Variants in GAS6 observed in about 807,000 individuals in gnomAD.
GAS6 encodes growth arrest specific 6.
Under a neutral mutation model 75.8 loss-of-function variants are expected in GAS6, and 41 were observed. That is an observed-to-expected ratio of 0.54 (90% CI 0.42 to 0.70). GAS6 has a LOEUF of 0.70. GAS6 is among the 30% of genes least tolerant of loss of function. GAS6 has a pLI of 0.00. For missense variants in GAS6, 854 were observed against 940.2 expected (o/e 0.91, Z 1.20); for synonymous variants, 432 against 412.6 (o/e 1.05, Z -0.57).
intron 2 of GAS6, among the ~76,000 whole-genome samples, chr13:113,851,501 G>GAA (rs1265280612): frequency 6.7e-6 from 1 of 149,286 alleles, no homozygotes; most frequent in Non-Finnish European, 1.5e-5. Context: ...GAATGAATAG[G>GAA]TGGGTGGGTG....
rs957998878 is a variant in GAS6 at position 113,832,183 on chromosome 13, G to A, written c.1143+116C>T. The A allele has an allele frequency of 2.4e-5, 29 of 1,185,332 alleles. 1 individual carries two copies. The South Asian group carries it at 3.4e-4, about 14-fold the overall frequency. The allele number at this position is 1,185,332 out of a possible 1,614,324, so 73.4% of individuals were successfully genotyped here. ...GCAGGGGTCCCCGTCCTGCCGGCAC[G>A]CAGCAGATGCAGGCCCCAGAGCTCA... On this transcript the variant is annotated intron_variant, in intron 10 of 14. Transcript: ENST00000327773.
At chr13:113,835,685 G>T (rs147716178) in intron 6 of GAS6, 50 bp from the exon 7 acceptor site, 2 of 1,594,740 alleles carry the variant, frequency 1.3e-6, no homozygotes, top group African/African-American at 2.7e-5. Flanking sequence ...CATCTCAGAC[G>T]GGGCTGGGGC....
At chr13:113,833,352 G>A (rs2051653577) in intron 8 of GAS6, 5 of 998,300 alleles carry the variant, frequency 5.0e-6, no homozygotes, top group Non-Finnish European at 6.0e-6. Flanking sequence ...AGGGCTGGCT[G>A]GAAGCCCTGA....
At chr13:113,859,458 G>A (rs1467893950) in intron 2 of GAS6, among the ~76,000 whole-genome samples, 4 of 151,350 alleles carry the variant, frequency 2.6e-5, no homozygotes, top group Admixed American at 6.6e-5. Flanking sequence ...CTGTGTGTAC[G>A]TATGTCTATG....
intron 4 of GAS6, chr13:113,841,136 T>C (rs898774070): frequency 2.0e-5 from 3 of 152,370 alleles, no homozygotes; most frequent in African/African-American, 7.2e-5. Context: ...CGGCTGTCAG[T>C]GCAGGAGCCG....
intron 2 of GAS6, among the ~76,000 whole-genome samples, chr13:113,858,350 T>C (rs531624307): frequency 3.9e-5 from 6 of 152,336 alleles, no homozygotes; most frequent in African/African-American, 1.2e-4. Context: ...TGTGTACGTA[T>C]GTCTATGTGA....
At chr13:113,852,143 C>T (rs1044968152) in intron 2 of GAS6, among the ~76,000 whole-genome samples, 2 of 152,338 alleles carry the variant, frequency 1.3e-5, no homozygotes, top group African/African-American at 4.8e-5. Context: ...GAATGCAGCC[C>T]AACATAAATT....
Position 113,820,756 on chromosome 13 carries a change from A to G in GAS6, c.*108T>C, listed in dbSNP as rs2051443059. 30 of 1,264,204 alleles carry G rather than the reference A, an allele frequency of 2.4e-5. No homozygotes were observed. The highest frequency in any genetic ancestry group is 2.9e-5 in the Non-Finnish European group (27 of 929,976). The allele number at this position is 1,264,204 out of a possible 1,614,324, so 78.3% of individuals were successfully genotyped here. On this transcript the variant is annotated 3_prime_UTR_variant, in exon 15 of 15. Transcript: ENST00000327773. ...AGATATGTTACAGGCCGGGATGGTC[A>G]CAGAGGAAAGCCCAGCTCTCAGCAT...
At position 113,838,109 on chromosome 13, in the gene GAS6, G is replaced by A. The variant is rs1414864355; in HGVS notation, c.549C>T (p.His183=). 3 of 1,612,778 alleles carry A rather than the reference G, an allele frequency of 1.9e-6. No homozygotes were observed. Among genetic ancestry groups the A allele is most frequent in the Non-Finnish European group, 2.5e-6 (3 of 1,179,888 alleles). ...CATCAGAGGAGAGCTCGAAGCCGCTGTGGCAGGAACAGTGGAAGCTACCCG... is the reference window on the plus strand; with the variant it reads ...CATCAGAGGAGAGCTCGAAGCCGCTATGGCAGGAACAGTGGAAGCTACCCG... ...NKPGSFHCSC[H]SGFELSSDGR... Residue 183 remains histidine (H), a synonymous_variant, in exon 6 of 15, where the codon CAC becomes CAT. Coordinates refer to ENST00000327773, the MANE Select transcript of GAS6 (RefSeq NM_000820.4).
intron 2 of GAS6, among the ~76,000 whole-genome samples, chr13:113,858,644 T>C (rs1295864620): frequency 9.3e-6 from 1 of 107,796 alleles, no homozygotes; most frequent in Non-Finnish European, 1.7e-5. Flanking sequence ...TGTGTGTTTG[T>C]GACTGTATGT....
chr13:113,839,713 T>C lies in GAS6; in HGVS notation c.466+15A>G. 6.2e-7 allele frequency: 1 copy of C among 1,612,728 alleles called. No homozygotes were observed. Among genetic ancestry groups the C allele is most frequent in the Non-Finnish European group, 8.5e-7 (1 of 1,179,054 alleles). On this transcript the variant is annotated intron_variant, in intron 5 of 14. Coordinates refer to ENST00000327773, the MANE Select transcript of GAS6 (RefSeq NM_000820.4). ...GATGGAGGGAGACCCCGCCTTTGTC[T>C]TCAGCCTCACGTACCTTTGTCGCAG...
At chr13:113,838,967 G>T in intron 5 of GAS6, 1 of 177,210 alleles carries the variant, frequency 5.6e-6, no homozygotes, top group Non-Finnish European at 1.2e-5. Context: ...CTGGCCTTGC[G>T]TGTGGAGGTA....
At chr13:113,825,327 C>G (rs909935005) in intron 12 of GAS6, among the ~76,000 whole-genome samples, 1 of 151,834 alleles carries the variant, frequency 6.6e-6, no homozygotes, top group Admixed American at 6.6e-5. Context: ...GGCCTCTGCT[C>G]TCCCCGGGAA....
chr13:113,861,536 C>A (rs947414480), intron 2 of GAS6, among the ~76,000 whole-genome samples: 18 of 152,208 alleles, frequency 1.2e-4, no homozygotes, highest in Non-Finnish European at 1.5e-5. Flanking sequence ...GGGAGAAGTT[C>A]ATGGATGATT....
In GAS6 at chr13:113,821,027, C is replaced by CA. The variant is rs751304956; in HGVS notation, c.1883-10dup. ...TGAAGTCACCGGCACATCTGGGCCG[C>CA]AGGGAGAGAACAACATATCTTAGCT... On this transcript the variant is annotated splice_polypyrimidine_tract_variant and intron_variant, in intron 14 of 14. Transcript: ENST00000327773. 1 of 1,612,028 alleles carries CA rather than the reference C, an allele frequency of 6.2e-7. No individual in the cohort carries two copies. The highest frequency in any genetic ancestry group is 2.2e-5 in the East Asian group (1 of 44,868).
intron 3 of GAS6, 33 bp downstream of exon 3, chr13:113,847,993 G>C (rs1368420819): frequency 6.3e-7 from 1 of 1,598,046 alleles, no homozygotes; most frequent in Non-Finnish European, 8.6e-7. Flanking sequence ...ATGCCTCTAC[G>C]ACAACCAGAG....
In GAS6 at chr13:113,832,627, T is replaced by A; in HGVS notation, c.953+7A>T. On this transcript the variant is annotated splice_region_variant and intron_variant, in intron 9 of 14. Transcript: ENST00000327773. The stretch of plus-strand genomic sequence containing the variant: ...AGTTGTGTTGCCTCCTGTGGACACC[T>A]CCTCACCTGGTGGGCTGCAGCCTCT... The A allele has an allele frequency of 3.7e-6, 6 of 1,612,654 alleles. No homozygotes were observed. The highest frequency in any genetic ancestry group is 5.1e-6 in the Non-Finnish European group (6 of 1,179,944).
In GAS6 at chr13:113,834,671, A is replaced by G. The variant is rs767996204; in HGVS notation, c.714T>C (p.Asp238=). Residue 238 remains aspartate (D), a splice_region_variant and synonymous_variant, in exon 8 of 15, where the codon GAT becomes GAC. Transcript: ENST00000327773. ...AGCGGCCCTGCAGACACTCGTCCAC[A>G]TCTGCCAGCCAGAGGGAAGCGGCGG... ...AYSSQEKACR[D]VDECLQGRCE... 28 of 1,563,176 alleles carry G rather than the reference A, an allele frequency of 1.8e-5. No homozygotes were observed. The highest frequency in any genetic ancestry group is 2.3e-5 in the Non-Finnish European group (27 of 1,152,086).
At chr13:113,843,211 T>C in intron 4 of GAS6, 1 of 212,780 alleles carries the variant, frequency 4.7e-6, no homozygotes, top group Non-Finnish European at 9.2e-6. Flanking sequence ...TCCCGCAAGC[T>C]GGGCCTAGGG....
Sources: gnomAD v4.1 joint callset for allele counts (sites outside exome capture counted in the v4.1 genomes callset) on GRCh38, gnomAD v4.1.1 for gene constraint, MANE v1.5 for transcripts, NCBI Gene and HGNC (gene_info 2026-07-23, HGNC 2026-07-21) for gene names.